Variants in ADCY9 observed in about 807,000 individuals in gnomAD.
ADCY9 encodes the protein adenylate cyclase 9.
ADCY9 carries 50 observed loss-of-function variants against 101.5 expected under a neutral mutation model. The observed-to-expected ratio is 0.49, with a 90% CI of 0.39 to 0.62. The LOEUF is 0.62. Ranked by LOEUF, ADCY9 falls within the 20% of genes least tolerant of loss-of-function variation. The pLI, the probability that ADCY9 is intolerant of heterozygous loss-of-function variation, is 0.00. For synonymous variants in ADCY9, 905 were observed against 769.3 expected, an observed-to-expected ratio of 1.18 and a Z score of -2.92; for missense variants, 1,662 against 1,800.4, an observed-to-expected ratio of 0.92 and a Z score of 1.39.
intron 3 of ADCY9, among the ~76,000 whole-genome samples, chr16:4,002,824 C>A (rs1056583088): frequency 3.3e-5 from 5 of 152,370 alleles, no homozygotes; most frequent in Non-Finnish European, 5.9e-5. Flanking sequence ...AAGGGATCCT[C>A]CTGCCTCAGC....
chr16:4,038,220 G>A (rs913531366), intron 2 of ADCY9, among the ~76,000 whole-genome samples: 8 of 151,722 alleles, frequency 5.3e-5, no homozygotes, highest in African/African-American at 1.9e-4. Context: ...GGTCCAGGCT[G>A]CAGTGAGCCG....
At chr16:4,091,057 CTATTTTATTATTT>C (rs1238228311) in intron 2 of ADCY9, among the ~76,000 whole-genome samples, 5 of 149,306 alleles carry the variant, frequency 3.3e-5, no homozygotes, top group Non-Finnish European at 3.0e-5. Context: ...ATATAAGTTC[CTATTTTATTATTT>C]TATTTTATTT....
At chr16:4,086,301 G>A (rs1567142501) in intron 2 of ADCY9, among the ~76,000 whole-genome samples, 1 of 152,126 alleles carries the variant, frequency 6.6e-6, no homozygotes, top group Non-Finnish European at 1.5e-5. Flanking sequence ...TCCATTGCAA[G>A]CAAGTGGAGA....
At chr16:3,979,771 G>C (rs537219812) in intron 7 of ADCY9, among the ~76,000 whole-genome samples, 1 of 152,352 alleles carries the variant, frequency 6.6e-6, no homozygotes, top group South Asian at 2.1e-4. Flanking sequence ...ATGTGGGCAG[G>C]TGCCACCCAG....
intron 2 of ADCY9, among the ~76,000 whole-genome samples, chr16:4,036,648 G>C (rs1331589645): frequency 2.0e-5 from 3 of 151,900 alleles, no homozygotes; most frequent in Admixed American, 1.3e-4. Flanking sequence ...TTTTAGTAGA[G>C]AAAGGGTTTC....
rs1468462521 is a variant in ADCY9 at position 3,969,607 on chromosome 16, T to C, written c.2871-2641A>G. ...ATATATATATATATATATATATATA[T>C]ATGTATTTTTTTTTTTTTTTAAGAA... On this transcript the variant is annotated intron_variant, in intron 10 of 10. Transcript: ENST00000294016. Among the ~76,000 whole-genome samples the C allele has an allele frequency of 9.1e-5, 9 of 99,172 alleles. 2 individuals carry two copies. Among genetic ancestry groups the C allele is most frequent in the African/African-American group, 2.9e-4 (6 of 20,678 alleles). The allele number at this position is 99,172 out of a possible 152,430, so 65.1% of individuals were successfully genotyped here.
At chr16:3,994,128 G>T (rs979694017) in intron 3 of ADCY9, among the ~76,000 whole-genome samples, 3 of 152,072 alleles carry the variant, frequency 2.0e-5, no homozygotes, top group Admixed American at 6.6e-5. Flanking sequence ...AGGTCATGGG[G>T]GACAAGCCTT....
rs1054872851 is a variant in ADCY9, at chr16:4,098,463, A to G, written c.1693+15287T>C. ...TGGCCAGGTTGGTCTCAAACTCCCG[A>G]CCTCAGGTGATCCGCCCGCCTCGGC... On this transcript the variant is annotated intron_variant, in intron 2 of 10. Transcript: ENST00000294016. 1.4e-4 allele frequency among the ~76,000 whole-genome samples: 21 copies of G among 151,886 alleles called. 1 individual carries two copies. The highest frequency in any genetic ancestry group is 6.6e-4 in the Admixed American group (10 of 15,238).
At chr16:4,010,212 G>T (rs1272387834) in intron 2 of ADCY9, among the ~76,000 whole-genome samples, 2 of 152,210 alleles carry the variant, frequency 1.3e-5, no homozygotes, top group East Asian at 3.9e-4. Flanking sequence ...AACCCAGGAA[G>T]GGGCCCTCAC....
Position 4,044,751 on chromosome 16 carries a change from C to G in ADCY9, c.1694-37193G>C, listed in dbSNP as rs998063689. On this transcript the variant is annotated intron_variant, in intron 2 of 10. Coordinates refer to ENST00000294016, the MANE Select transcript of ADCY9 (RefSeq NM_001116.4). ...ACCATTATACATTTAAACAATCTCT[C>G]TACATGTAGAGCCTGCATCTAAATC... Among the ~76,000 whole-genome samples the G allele has an allele frequency of 2.0e-5, 3 of 152,198 alleles. No individual in the cohort carries two copies. In the East Asian group the frequency reaches 5.8e-4, roughly 29 times the overall value.
At chr16:4,079,154 G>A (rs537551886) in intron 2 of ADCY9, among the ~76,000 whole-genome samples, 1 of 152,240 alleles carries the variant, frequency 6.6e-6, no homozygotes, top group South Asian at 2.1e-4. Flanking sequence ...GTTTCATATT[G>A]TGATATACAA....
At chr16:4,080,235 G>A (rs1310855120) in intron 2 of ADCY9, among the ~76,000 whole-genome samples, 1 of 151,942 alleles carries the variant, frequency 6.6e-6, no homozygotes, top group East Asian at 1.9e-4. Flanking sequence ...GTTAACAGAG[G>A]TAATTTTTCT....
chr16:4,014,597 G>A (rs1363792730), intron 2 of ADCY9, among the ~76,000 whole-genome samples: 1 of 151,356 alleles, frequency 6.6e-6, no homozygotes, highest in Non-Finnish European at 1.5e-5. Context: ...ACAGGTGTGT[G>A]CCACCATGCC....
At chr16:4,063,924 A>G (rs1177080333) in intron 2 of ADCY9, among the ~76,000 whole-genome samples, 1 of 152,194 alleles carries the variant, frequency 6.6e-6, no homozygotes, top group African/African-American at 2.4e-5. Flanking sequence ...TTTCTACTCA[A>G]CATTGTACTG....
intron 9 of ADCY9, 138 bp from the exon 10 acceptor site, chr16:3,974,848 CTCTT>C: frequency 1.2e-5 from 8 of 654,840 alleles, no homozygotes; most frequent in South Asian, 5.3e-5. Context: ...CTGCTCCCAC[CTCTT>C]TCTTCACATC....
At chr16:3,996,531 G>A (rs1346876093) in intron 3 of ADCY9, among the ~76,000 whole-genome samples, 9 of 152,146 alleles carry the variant, frequency 5.9e-5, no homozygotes, top group Non-Finnish European at 1.0e-4. Context: ...GGGGGGCTTG[G>A]TGCTTGATGG....
chr16:4,108,247 C>G (rs998279208), intron 2 of ADCY9, among the ~76,000 whole-genome samples: 2 of 151,976 alleles, frequency 1.3e-5, no homozygotes, highest in African/African-American at 4.8e-5. Flanking sequence ...ACACGTCTCA[C>G]CATTTTTTGC....
intron 8 of ADCY9, among the ~76,000 whole-genome samples, chr16:3,978,683 A>T (rs1409085808): frequency 6.6e-6 from 1 of 152,156 alleles, no homozygotes; most frequent in Non-Finnish European, 1.5e-5. Flanking sequence ...AGGAGAGTAA[A>T]AGAGTTCGTG....
chr16:4,082,978 T>C (rs2056914921), intron 2 of ADCY9, among the ~76,000 whole-genome samples: 1 of 152,158 alleles, frequency 6.6e-6, no homozygotes, highest in South Asian at 2.1e-4. Flanking sequence ...GATATCACTG[T>C]GTCATTCGGA....
Sources: gnomAD v4.1 joint callset for allele counts (sites outside exome capture counted in the v4.1 genomes callset) on GRCh38, gnomAD v4.1.1 for gene constraint, MANE v1.5 for transcripts, NCBI Gene and HGNC (gene_info 2026-07-23, HGNC 2026-07-21) for gene names.